NAV2: variants seen among roughly 807,000 people sequenced by gnomAD.
The protein encoded by NAV2 is helicase, APC down-regulated 1.
Under a neutral mutation model 223.2 loss-of-function variants are expected in NAV2, and 54 were observed. The observed-to-expected ratio is 0.24, with a 90% CI of 0.19 to 0.30. The LOEUF is 0.30. Ranked by LOEUF, NAV2 falls within the 10% of genes least tolerant of loss-of-function variation. The probability of loss-of-function intolerance (pLI) is 1.00; values close to 1 mark genes in which losing one functional copy is unlikely to be tolerated. For missense variants in NAV2, 2,806 were observed against 3,147.5 expected (o/e 0.89, Z 2.60); for synonymous variants, 1,279 against 1,239.3 (o/e 1.03, Z -0.67).
chr11:19,562,481 T>C (rs1172878187), intron 1 of NAV2, among the ~76,000 whole-genome samples: 2 of 152,214 alleles, frequency 1.3e-5, no homozygotes, highest in Non-Finnish European at 2.9e-5. Context: ...CTTCACTTAA[T>C]GTTTTTGACT....
chr11:19,768,624 A>G (rs2018011), intron 1 of NAV2, among the ~76,000 whole-genome samples: 60,044 of 151,992 alleles, frequency 0.4, 13,056 homozygotes, highest in African/African-American at 0.58. Context: ...TGTGGACTCC[A>G]TGGGGTGGAG....
chr11:19,507,386 A>G (rs969577342), intron 1 of NAV2, among the ~76,000 whole-genome samples: 3 of 152,226 alleles, frequency 2.0e-5, no homozygotes, highest in Non-Finnish European at 2.9e-5. Context: ...AAATCTGCCA[A>G]TTAATGAACA....
At chr11:19,440,935 T>G (rs1851378718) in intron 1 of NAV2, among the ~76,000 whole-genome samples, 2 of 152,216 alleles carry the variant, frequency 1.3e-5, no homozygotes, top group Admixed American at 1.3e-4. Flanking sequence ...AAAATGCAGT[T>G]TGACCTTGCT....
At chr11:19,600,165 A>T (rs2046315302) in intron 1 of NAV2, among the ~76,000 whole-genome samples, 1 of 152,174 alleles carries the variant, frequency 6.6e-6, no homozygotes, top group Non-Finnish European at 1.5e-5. Flanking sequence ...CTACCTCAGA[A>T]TTGTCCCATG....
At chr11:19,427,629 G>A (rs920872959) in intron 1 of NAV2, among the ~76,000 whole-genome samples, 1 of 152,166 alleles carries the variant, frequency 6.6e-6, no homozygotes, top group East Asian at 1.9e-4. Flanking sequence ...TCTGGGATGG[G>A]GGTCAAGGCG....
At chr11:19,887,446 T>A (rs188005239) in intron 5 of NAV2, among the ~76,000 whole-genome samples, 30 of 152,182 alleles carry the variant, frequency 2.0e-4, no homozygotes, top group African/African-American at 7.2e-4. Flanking sequence ...TTACTGATGG[T>A]GTTACCTGGG....
intron 10 of NAV2, among the ~76,000 whole-genome samples, chr11:19,959,311 A>G (rs1293406590): frequency 6.6e-6 from 1 of 152,320 alleles, no homozygotes; most frequent in East Asian, 1.9e-4. Flanking sequence ...CAGGGCGCAG[A>G]GGGGAAGAAC....
In NAV2 at chr11:19,500,263, C is replaced by A. The variant is rs139330264; in HGVS notation, c.75+149236C>A. Among the ~76,000 whole-genome samples, 124 of 152,302 alleles carry A rather than the reference C, an allele frequency of 8.1e-4. No homozygotes were observed. The East Asian group carries it at 0.021, about 26-fold the overall frequency. On this transcript the variant is annotated intron_variant, in intron 1 of 37. Coordinates refer to the NAV2 transcript ENST00000360655. ...AGAGGCATGTGAAGAAGGAACCAGT[C>A]ACCCAACAGCCATTTGACCATGTCA...
At chr11:19,356,448 C>T (rs1329473353) in intron 1 of NAV2, among the ~76,000 whole-genome samples, 3 of 152,272 alleles carry the variant, frequency 2.0e-5, no homozygotes, top group African/African-American at 7.2e-5. Flanking sequence ...TGATGATGAG[C>T]TTAGATATTG....
intron 8 of NAV2, among the ~76,000 whole-genome samples, chr11:19,940,033 A>C (rs1202138358): frequency 1.3e-5 from 2 of 151,738 alleles, no homozygotes; most frequent in Non-Finnish European, 2.9e-5. Flanking sequence ...TCCTATTTTT[A>C]AGATACGTTC....
At chr11:19,477,149 G>A (rs1203289696) in intron 1 of NAV2, among the ~76,000 whole-genome samples, 3 of 152,114 alleles carry the variant, frequency 2.0e-5, no homozygotes, top group Non-Finnish European at 2.9e-5. Context: ...CCAAGGTAAA[G>A]TCAGGTTCTC....
intron 1 of NAV2, among the ~76,000 whole-genome samples, chr11:19,389,848 A>T (rs1849180909): frequency 6.6e-6 from 1 of 152,160 alleles, no homozygotes; most frequent in Non-Finnish European, 1.5e-5. Context: ...TAAGCTCTTC[A>T]TGGTGAAGGA....
intron 1 of NAV2, among the ~76,000 whole-genome samples, chr11:19,777,019 G>T (rs929035071): frequency 6.6e-6 from 1 of 151,850 alleles, no homozygotes; most frequent in Admixed American, 6.6e-5. Context: ...GTGGCGAAGG[G>T]CCCACTGAAG....
chr11:19,702,255 G>T (rs1002629297), intron 1 of NAV2, among the ~76,000 whole-genome samples: 1 of 152,204 alleles, frequency 6.6e-6, no homozygotes, highest in Non-Finnish European at 1.5e-5. Context: ...ATGGTTTTTA[G>T]TTGTGTCAGA....
intron 1 of NAV2, among the ~76,000 whole-genome samples, chr11:19,742,418 C>CA (rs2052926430): frequency 6.6e-6 from 1 of 152,250 alleles, no homozygotes; most frequent in Non-Finnish European, 1.5e-5. Flanking sequence ...GCCCAATAAA[C>CA]AGCTACTTTA....
intron 1 of NAV2, chr11:19,384,572 A>C (rs773644478): frequency 6.6e-6 from 1 of 152,046 alleles, no homozygotes; most frequent in Non-Finnish European, 1.5e-5. Flanking sequence ...ATTTGCATGG[A>C]CTCATGTGCA....
intron 1 of NAV2, among the ~76,000 whole-genome samples, chr11:19,499,473 G>A (rs1267093337): frequency 2.0e-5 from 3 of 152,234 alleles, no homozygotes; most frequent in African/African-American, 7.2e-5. Flanking sequence ...TTTCTAAGGA[G>A]AGGTGAGCAG....
intron 2 of NAV2, among the ~76,000 whole-genome samples, chr11:19,834,564 T>TC (rs2060134054): frequency 6.6e-6 from 1 of 151,584 alleles, no homozygotes; most frequent in African/African-American, 2.4e-5. Context: ...CCTTTTTTTT[T>TC]TTTCTTTGGT....
intron 1 of NAV2, among the ~76,000 whole-genome samples, chr11:19,694,477 G>C (rs1282074029): frequency 1.3e-5 from 2 of 152,162 alleles, no homozygotes; most frequent in Admixed American, 1.3e-4. Context: ...TGGTACTCTG[G>C]GCAGAGCATC....
Sources: gnomAD v4.1 joint callset for allele counts (sites outside exome capture counted in the v4.1 genomes callset) on GRCh38, gnomAD v4.1.1 for gene constraint, MANE v1.5 for transcripts, NCBI Gene and HGNC (gene_info 2026-07-23, HGNC 2026-07-21) for gene names.